The following GADL1 variants were observed in gnomAD, a reference collection of about 807,000 sequenced individuals.
GADL1 encodes acidic amino acid decarboxylase GADL1.
In GADL1, 71 loss-of-function variants were observed where a neutral mutation model predicts 69.5. That is an observed-to-expected ratio of 1.02 (90% CI 0.84 to 1.25). The LOEUF is 1.25. Among genes scored for constraint, GADL1 ranks in the 50% most tolerant of loss-of-function variants. The probability of loss-of-function intolerance (pLI) is 0.00; values close to 1 mark genes in which losing one functional copy is unlikely to be tolerated. For missense variants in GADL1, 737 were observed against 631.8 expected (o/e 1.17, Z -1.79); for synonymous variants, 254 against 214.4 (o/e 1.18, Z -1.62).
At position 30,761,971 on chromosome 3, in the gene GADL1, G is replaced by A. The variant is rs186157047; in HGVS notation, c.1392+16208C>T. Among the ~76,000 whole-genome samples, 290 of 152,232 alleles carry A rather than the reference G, an allele frequency of 1.9e-3. 4 individuals are homozygous for A. The highest frequency in any genetic ancestry group is 6.6e-3 in the African/African-American group (276 of 41,536). ...GGGCCGTGGGAGTGAGAATCTAATAGAGTATCTGAAACCAAGGCACAAAAG... is the reference window on the plus strand; with the variant it reads ...GGGCCGTGGGAGTGAGAATCTAATAAAGTATCTGAAACCAAGGCACAAAAG... On this transcript the variant is annotated intron_variant, in intron 14 of 14. Coordinates refer to ENST00000282538, the MANE Select transcript of GADL1 (RefSeq NM_207359.3).
At chr3:30,766,569 T>G (rs1424124581) in intron 14 of GADL1, among the ~76,000 whole-genome samples, 1 of 152,116 alleles carries the variant, frequency 6.6e-6, no homozygotes, top group Non-Finnish European at 1.5e-5. Flanking sequence ...TTTTTTCTCT[T>G]AATGAGGAAA....
At chr3:30,888,423 C>T (rs949435042) in intron 1 of GADL1, among the ~76,000 whole-genome samples, 1 of 152,056 alleles carries the variant, frequency 6.6e-6, no homozygotes, top group Non-Finnish European at 1.5e-5. Flanking sequence ...CGTGGAGTTG[C>T]GGAGACCCTC....
intron 1 of GADL1, among the ~76,000 whole-genome samples, chr3:30,868,670 ACT>A (rs1426371509): frequency 4.6e-5 from 7 of 151,780 alleles, no homozygotes; most frequent in Non-Finnish European, 5.9e-5. Flanking sequence ...GTCTATATGA[ACT>A]CTCTTTTGGC....
intron 14 of GADL1, among the ~76,000 whole-genome samples, chr3:30,770,566 CAGT>C (rs1696393561): frequency 6.6e-6 from 1 of 150,502 alleles, no homozygotes; most frequent in Admixed American, 6.6e-5. Context: ...CCCAGTGGAT[CAGT>C]AGGTCACAAG....
Position 30,728,420 on chromosome 3 carries a change from G to C in GADL1, c.1393-5C>G, listed in dbSNP as rs958836362. 1 of 1,612,736 alleles carries C rather than the reference G, an allele frequency of 6.2e-7. No homozygotes were observed. Among genetic ancestry groups the C allele is most frequent in the Middle Eastern group, 1.7e-4 (1 of 5,998 alleles). ...CTCCTTAATGGCTGGGGCCACCTGT[G>C]TGGGGAGAAAAGGGGAGAGGGGTGA... On this transcript the variant is annotated splice_polypyrimidine_tract_variant and splice_region_variant and intron_variant, in intron 14 of 14. Coordinates refer to ENST00000282538, the MANE Select transcript of GADL1 (RefSeq NM_207359.3).
chr3:30,741,004 T>A (rs1463693124), intron 14 of GADL1, among the ~76,000 whole-genome samples: 3 of 89,852 alleles, frequency 3.3e-5, no homozygotes, highest in Non-Finnish European at 5.7e-5. Flanking sequence ...TATATTAATA[T>A]ATATTATATA....
intron 9 of GADL1, among the ~76,000 whole-genome samples, chr3:30,837,120 G>T (rs977655922): frequency 2.0e-5 from 3 of 151,274 alleles, no homozygotes; most frequent in African/African-American, 7.3e-5. Flanking sequence ...AAACCCAGAA[G>T]AACAAGTAAA....
chr3:30,795,333 A>G (rs1024337019), intron 12 of GADL1, among the ~76,000 whole-genome samples: 64 of 152,306 alleles, frequency 4.2e-4, no homozygotes, highest in African/African-American at 1.5e-3. Flanking sequence ...AGTTACGATT[A>G]TAGCTGGAAG....
At chr3:30,807,281 A>G (rs1048650551) in intron 11 of GADL1, among the ~76,000 whole-genome samples, 1 of 152,196 alleles carries the variant, frequency 6.6e-6, no homozygotes. Flanking sequence ...ACAGAACATC[A>G]GCTCTAGACT....
intron 11 of GADL1, among the ~76,000 whole-genome samples, chr3:30,816,098 C>T (rs1175022337): frequency 2.6e-5 from 4 of 152,068 alleles, no homozygotes; most frequent in Non-Finnish European, 5.9e-5. Context: ...CTGCACTGGA[C>T]ATGAGAACAG....
At chr3:30,771,163 G>A (rs2086394696) in intron 14 of GADL1, among the ~76,000 whole-genome samples, 1 of 152,162 alleles carries the variant, frequency 6.6e-6, no homozygotes, top group African/African-American at 2.4e-5. Context: ...GAGCATAAAA[G>A]CGAGAAAAGC....
Position 30,844,382 on chromosome 3 carries a change from A to G in GADL1, c.731+5T>C, listed in dbSNP as rs532889665. Reference sequence around the variant, plus strand: ...CACCAGGCTTCCAGATCCTGTTCCCATTACCTTCCATCTGTTTCCACAAAG... The same window carrying G: ...CACCAGGCTTCCAGATCCTGTTCCCGTTACCTTCCATCTGTTTCCACAAAG... On this transcript the variant is annotated splice_donor_5th_base_variant and intron_variant, in intron 7 of 14. Coordinates refer to ENST00000282538, the MANE Select transcript of GADL1 (RefSeq NM_207359.3). 32 of 1,610,016 alleles carry G rather than the reference A, an allele frequency of 2.0e-5. No homozygotes were observed. In the Admixed American group the frequency reaches 2.5e-4, roughly 13 times the overall value.
intron 14 of GADL1, among the ~76,000 whole-genome samples, chr3:30,744,032 A>T (rs1695665090): frequency 6.6e-6 from 1 of 152,088 alleles, no homozygotes; most frequent in Admixed American, 6.6e-5. Context: ...CAAGAAATAC[A>T]CCTTTGTATT....
At chr3:30,820,225 A>AT (rs1199762695) in intron 11 of GADL1, among the ~76,000 whole-genome samples, 4 of 152,020 alleles carry the variant, frequency 2.6e-5, no homozygotes, top group African/African-American at 9.7e-5. Flanking sequence ...ACCTTATTTG[A>AT]TAATAGAAAG....
At chr3:30,876,776 G>T (rs980401108) in intron 1 of GADL1, among the ~76,000 whole-genome samples, 23 of 151,892 alleles carry the variant, frequency 1.5e-4, no homozygotes, top group Admixed American at 6.6e-5. Flanking sequence ...AGAAACTGAT[G>T]TATTAATAGC....
At chr3:30,810,190 T>A (rs995648221) in intron 11 of GADL1, among the ~76,000 whole-genome samples, 1 of 152,200 alleles carries the variant, frequency 6.6e-6, no homozygotes, top group Non-Finnish European at 1.5e-5. Flanking sequence ...ACTGGCTTGA[T>A]GGTCTGCCTG....
chr3:30,816,445 G>A (rs538679300), intron 11 of GADL1, among the ~76,000 whole-genome samples: 62 of 148,178 alleles, frequency 4.2e-4, no homozygotes, highest in South Asian at 2.8e-3. Flanking sequence ...CCAGCACATC[G>A]TTCCCTAGCC....
chr3:30,779,088 T>TG (rs1026074677), intron 13 of GADL1: 2 of 152,222 alleles, frequency 1.3e-5, no homozygotes, highest in African/African-American at 4.8e-5. Context: ...TGCTTAAACA[T>TG]GGGACTGTAT....
chr3:30,734,251 T>C (rs1457502318), intron 14 of GADL1, among the ~76,000 whole-genome samples: 2 of 152,238 alleles, frequency 1.3e-5, no homozygotes, highest in Non-Finnish European at 2.9e-5. Flanking sequence ...TGTTTAAGTA[T>C]ATTCTTCAGT....
Sources: gnomAD v4.1 joint callset for allele counts (sites outside exome capture counted in the v4.1 genomes callset) on GRCh38, gnomAD v4.1.1 for gene constraint, MANE v1.5 for transcripts, NCBI Gene and HGNC (gene_info 2026-07-23, HGNC 2026-07-21) for gene names.